The following ARHGAP18 variants were observed in gnomAD, a reference collection of about 807,000 sequenced individuals.
The protein encoded by ARHGAP18 is rho GTPase-activating protein 18.
Under a neutral mutation model 86.2 loss-of-function variants are expected in ARHGAP18, and 67 were observed. The observed-to-expected ratio is 0.78, with a 90% CI of 0.64 to 0.95. ARHGAP18 has a LOEUF of 0.95. Among genes scored for constraint, ARHGAP18 ranks in the 40% least tolerant of loss-of-function variants. The probability of loss-of-function intolerance (pLI) is 0.00; values close to 1 mark genes in which losing one functional copy is unlikely to be tolerated. For missense variants in ARHGAP18, 691 were observed against 780.4 expected (o/e 0.89, Z 1.37); for synonymous variants, 283 against 280.4 (o/e 1.01, Z -0.09).
At position 129,587,401 on chromosome 6, in the gene ARHGAP18, G is replaced by A. The variant is rs1788416194; in HGVS notation, c.1714-3289C>T. Among the ~76,000 whole-genome samples the A allele has an allele frequency of 2.0e-5, 3 of 152,196 alleles. No individual in the cohort carries two copies. The South Asian group carries it at 6.2e-4, about 31-fold the overall frequency. On this transcript the variant is annotated intron_variant, in intron 12 of 14. Transcript: ENST00000368149. Reference sequence around the variant, plus strand: ...TAACATTAGCATGTATCTACTTGGGGATGTAGTCTCTTTTCCCCTCCAACA... The same window carrying A: ...TAACATTAGCATGTATCTACTTGGGAATGTAGTCTCTTTTCCCCTCCAACA...
chr6:129,672,171 C>T (rs1018344289), intron 1 of ARHGAP18, among the ~76,000 whole-genome samples: 1 of 152,178 alleles, frequency 6.6e-6, no homozygotes, highest in African/African-American at 2.4e-5. Flanking sequence ...CTGCAATCAT[C>T]GCCATTCAAA....
rs181883768 is a variant in ARHGAP18, at chr6:129,577,606, T to C, written c.*907A>G. On this transcript the variant is annotated 3_prime_UTR_variant, in exon 15 of 15. Coordinates refer to ENST00000368149, the MANE Select transcript of ARHGAP18 (RefSeq NM_033515.3). ...GGACTTAAAAAAAAAAATCCCTCTT[T>C]AAGTAAAATACATTCTTCAACCATT... 3.0e-4 allele frequency: 46 copies of C among 152,268 alleles called. No individual in the cohort carries two copies. The highest frequency in any genetic ancestry group is 3.4e-3 in the Middle Eastern group (1 of 294). The allele number at this position is 152,268 out of a possible 1,614,324, so 9.4% of individuals were successfully genotyped here. A position where few individuals can be genotyped will look rare whatever the true frequency, so the allele number is the denominator to read the frequency against.
At chr6:129,604,346 T>A (rs1788810312) in intron 10 of ARHGAP18, among the ~76,000 whole-genome samples, 1 of 151,916 alleles carries the variant, frequency 6.6e-6, no homozygotes, top group East Asian at 1.9e-4. Context: ...CGAAGAAGAG[T>A]TCCAGCTCAG....
At chr6:129,665,962 G>A (rs1013060773) in intron 1 of ARHGAP18, among the ~76,000 whole-genome samples, 1 of 152,008 alleles carries the variant, frequency 6.6e-6, no homozygotes, top group Non-Finnish European at 1.5e-5. Flanking sequence ...ACAAGCTACA[G>A]AAATCAACTC....
chr6:129,648,597 A>C (rs1584087171), intron 1 of ARHGAP18, among the ~76,000 whole-genome samples: 1 of 148,022 alleles, frequency 6.8e-6, no homozygotes, highest in Admixed American at 6.8e-5. Context: ...CTAATAAGAC[A>C]CACATCTCTA....
chr6:129,595,976 C>A (rs1788608435), intron 12 of ARHGAP18, among the ~76,000 whole-genome samples: 1 of 152,172 alleles, frequency 6.6e-6, no homozygotes, highest in Non-Finnish European at 1.5e-5. Flanking sequence ...CATTTCTCCA[C>A]TTTCCGATGC....
At chr6:129,610,017 G>A (rs1020742017) in intron 8 of ARHGAP18, among the ~76,000 whole-genome samples, 3 of 152,292 alleles carry the variant, frequency 2.0e-5, no homozygotes, top group South Asian at 2.1e-4. Flanking sequence ...CAGCTCTAAC[G>A]ATTTCATAAA....
At chr6:129,645,610 A>C (rs2114503591) in intron 1 of ARHGAP18, among the ~76,000 whole-genome samples, 1 of 152,214 alleles carries the variant, frequency 6.6e-6, no homozygotes, top group Admixed American at 6.5e-5. Context: ...ATGCTTCAGA[A>C]GCTCCCGCAT....
chr6:129,606,645 A>G (rs924047186), intron 9 of ARHGAP18, among the ~76,000 whole-genome samples: 1 of 152,210 alleles, frequency 6.6e-6, no homozygotes, highest in Non-Finnish European at 1.5e-5. Context: ...CAATTTAAAC[A>G]TTAAAAAATA....
At chr6:129,617,480 C>T (rs1482303051) in intron 6 of ARHGAP18, among the ~76,000 whole-genome samples, 1 of 152,116 alleles carries the variant, frequency 6.6e-6, no homozygotes, top group East Asian at 1.9e-4. Context: ...GATGCAATCT[C>T]AAGGATGCCA....
In ARHGAP18 at chr6:129,578,081, C is replaced by T. The variant is rs1788215741; in HGVS notation, c.*432G>A. The T allele has an allele frequency of 6.6e-6, 1 of 152,090 alleles. No individual in the cohort carries two copies. The highest frequency in any genetic ancestry group is 2.1e-4 in the South Asian group (1 of 4,816). The allele number at this position is 152,090 out of a possible 1,614,324, so 9.4% of individuals were successfully genotyped here. A position where few individuals can be genotyped will look rare whatever the true frequency, so the allele number is the denominator to read the frequency against. ...ACTTGCCATACCTGGTATTTGTTAT[C>T]TTTTTGGTCAAAAAGCAAACCTAAC... is the stretch of plus-strand genomic sequence containing the variant. On this transcript the variant is annotated 3_prime_UTR_variant, in exon 15 of 15. Coordinates refer to ENST00000368149, the MANE Select transcript of ARHGAP18 (RefSeq NM_033515.3).
chr6:129,691,817 T>A (rs1774534789), intron 1 of ARHGAP18, among the ~76,000 whole-genome samples: 1 of 152,204 alleles, frequency 6.6e-6, no homozygotes, highest in Non-Finnish European at 1.5e-5. Flanking sequence ...GGGCAACATC[T>A]ACTCCTCCCT....
rs2114467468 is a variant in ARHGAP18 at position 129,616,243 on chromosome 6, G to C, written c.1013C>G (p.Pro338Arg). 6.2e-7 allele frequency: 1 copy of C among 1,611,442 alleles called. No individual in the cohort carries two copies. The highest frequency in any genetic ancestry group is 8.5e-7 in the Non-Finnish European group (1 of 1,178,602). The part of the protein sequence containing the change: ...ALLEQDQRKV[P>R]GMRIPLIFQK... ...AAAGATCAAGGGTATTCGCATTCCT[G>C]GTACTTTCCTCTGATCTTGTTCTAA... Residue 338 changes from proline to arginine, a missense_variant, in exon 7 of 15, where the codon CCA becomes CGA. Pro to Arg is a moderately radical substitution (Grantham distance 103). Coordinates refer to ENST00000368149, the MANE Select transcript of ARHGAP18 (RefSeq NM_033515.3).
At chr6:129,663,294 A>G (rs992193561) in intron 1 of ARHGAP18, among the ~76,000 whole-genome samples, 1 of 152,156 alleles carries the variant, frequency 6.6e-6, no homozygotes. Context: ...CAGCAAATAC[A>G]CTGTGATTAT....
chr6:129,582,233 G>A (rs1013036834), intron 13 of ARHGAP18, among the ~76,000 whole-genome samples: 9 of 152,202 alleles, frequency 5.9e-5, no homozygotes, highest in South Asian at 4.1e-4. Context: ...TTTGTCAGAC[G>A]ATAGTTGTCA....
chr6:129,710,159 C>T lies in ARHGAP18; in HGVS notation c.-23G>A. Reference sequence around the variant, plus strand: ...CATGGTGAGAGAAGGGACATACTTTCTGCGATCCTGACACAGAGAAGGGGA... The same window carrying T: ...CATGGTGAGAGAAGGGACATACTTTTTGCGATCCTGACACAGAGAAGGGGA... On this transcript the variant is annotated 5_prime_UTR_variant, in exon 1 of 15. Coordinates refer to ENST00000368149, the MANE Select transcript of ARHGAP18 (RefSeq NM_033515.3). 1 of 1,571,922 alleles carries T rather than the reference C, an allele frequency of 6.4e-7. No individual in the cohort carries two copies. Among genetic ancestry groups the T allele is most frequent in the South Asian group, 1.1e-5 (1 of 89,812 alleles).
intron 5 of ARHGAP18, among the ~76,000 whole-genome samples, chr6:129,622,043 G>C (rs13220207): frequency 6.6e-6 from 1 of 152,044 alleles, no homozygotes; most frequent in Non-Finnish European, 1.5e-5. Context: ...TCAAGGAGAG[G>C]AGCCACTTCT....
chr6:129,582,865 T>G (rs1156369078), intron 13 of ARHGAP18, among the ~76,000 whole-genome samples: 1 of 152,162 alleles, frequency 6.6e-6, no homozygotes, highest in Non-Finnish European at 1.5e-5. Context: ...TACTTCAGAG[T>G]GCTGTTCTGA....
intron 1 of ARHGAP18, among the ~76,000 whole-genome samples, chr6:129,650,984 T>C (rs1316073480): frequency 6.6e-6 from 1 of 152,204 alleles, no homozygotes; most frequent in Non-Finnish European, 1.5e-5. Flanking sequence ...GTCCCCACCA[T>C]TAAATTATGT....
Sources: gnomAD v4.1 joint callset for allele counts (sites outside exome capture counted in the v4.1 genomes callset) on GRCh38, gnomAD v4.1.1 for gene constraint, MANE v1.5 for transcripts, NCBI Gene and HGNC (gene_info 2026-07-23, HGNC 2026-07-21) for gene names.